The following ITPKB variants were observed in gnomAD, a reference collection of about 807,000 sequenced individuals.
ITPKB encodes inositol-trisphosphate 3-kinase B, also known as IP3 3-kinase B.
In ITPKB, 13 loss-of-function variants were observed where a neutral mutation model predicts 69.4. The ratio of observed to expected loss-of-function variants is 0.19; its 90% CI spans 0.12 to 0.30. The LOEUF (loss-of-function observed/expected upper bound fraction) is 0.30. Ranked by LOEUF, ITPKB falls within the 10% of genes least tolerant of loss-of-function variation. The pLI, the probability that ITPKB is intolerant of heterozygous loss-of-function variation, is 1.00. For missense variants in ITPKB, 1,240 were observed against 1,250.5 expected, an observed-to-expected ratio of 0.99 and a Z score of 0.13; for synonymous variants, 584 against 513.7, an observed-to-expected ratio of 1.14 and a Z score of -1.85.
Position 226,642,142 on chromosome 1 carries a change from G to A in ITPKB, c.2247-17C>T. 6.2e-7 allele frequency: 1 copy of A among 1,605,756 alleles called. No individual in the cohort carries two copies. Among genetic ancestry groups the A allele is most frequent in the Non-Finnish European group, 8.5e-7 (1 of 1,175,182 alleles). On this transcript the variant is annotated splice_polypyrimidine_tract_variant and intron_variant, in intron 4 of 7. Coordinates refer to ENST00000429204, the MANE Select transcript of ITPKB (RefSeq NM_002221.4). This position sits in a 1 kb window ranked among gnomAD's most constrained non-coding sequence, Gnocchi z 6.4. Reference sequence around the variant, plus strand: ...AGGTAGGTCCTACGTGGGAGGGAAGGCGACATGAGGGCCGAGGCCTGGGGC... The same window carrying A: ...AGGTAGGTCCTACGTGGGAGGGAAGACGACATGAGGGCCGAGGCCTGGGGC...
intron 2 of ITPKB, among the ~76,000 whole-genome samples, chr1:226,688,928 C>T (rs975298995): frequency 6.6e-6 from 1 of 152,204 alleles, no homozygotes; most frequent in African/African-American, 2.4e-5. Context: ...ACAAGTGCTT[C>T]CCCACTTTAC....
chr1:226,731,246 G>A (rs1046400154), intron 2 of ITPKB, among the ~76,000 whole-genome samples: 6 of 152,140 alleles, frequency 3.9e-5, no homozygotes, highest in African/African-American at 1.4e-4. Flanking sequence ...TTACTGTTCA[G>A]GTTAATGTTC....
At chr1:226,636,724 G>A (rs1270969125) in intron 7 of ITPKB, among the ~76,000 whole-genome samples, 1 of 151,556 alleles carries the variant, frequency 6.6e-6, no homozygotes, top group Admixed American at 6.6e-5. Context: ...ACCCACCCAT[G>A]GGATTAGCCA....
chr1:226,727,250 A>C (rs1259614661), intron 2 of ITPKB, among the ~76,000 whole-genome samples: 1 of 152,258 alleles, frequency 6.6e-6, no homozygotes, highest in African/African-American at 2.4e-5. Flanking sequence ...ACTGGGGAAG[A>C]AGCACTTCAC....
chr1:226,736,432 C>T lies in ITPKB; in HGVS notation c.1027G>A (p.Val343Met), dbSNP rs199795545. 2.5e-4 allele frequency: 399 copies of T among 1,613,178 alleles called. 2 individuals carry two copies. The Middle Eastern group carries it at 3.0e-3, about 12-fold the overall frequency. The change falls in exon 2 of 8, where the codon GTG becomes ATG. Residue 343 changes from valine to methionine, a missense_variant. Around this residue, in one of 2 missense-constraint regions of ITPKB, gnomAD observed 992 missense variants for 853.8 expected, o/e 1.16. Coordinates refer to ENST00000429204, the MANE Select transcript of ITPKB (RefSeq NM_002221.4). ...CCCAGAAACTGCCCCTGCCTCTCCA[C>T]CAGGGCCTCTGGGGGCTGCAGGTCC... ...LEDLQPPEAL[V>M]ERQGQFLGSE...
chr1:226,643,121 C>G (rs1242774851), intron 4 of ITPKB, among the ~76,000 whole-genome samples: 3 of 152,350 alleles, frequency 2.0e-5, no homozygotes, highest in Non-Finnish European at 4.4e-5. Context: ...GCCCTGGCCT[C>G]CACACGAGCA....
intron 2 of ITPKB, chr1:226,674,781 T>A (rs1669694164): frequency 6.6e-6 from 1 of 152,406 alleles, no homozygotes; most frequent in African/African-American, 2.4e-5. Flanking sequence ...TTTTCCTCAC[T>A]ATCTACCCAC....
intron 2 of ITPKB, 49 bp downstream of exon 2, chr1:226,735,478 T>A (rs756397008): frequency 3.4e-6 from 5 of 1,452,808 alleles, no homozygotes; most frequent in Non-Finnish European, 4.5e-6. Flanking sequence ...GCATCAAAAG[T>A]CTGCTGAAAT....
Position 226,736,737 on chromosome 1 carries a change from G to A in ITPKB, c.722C>T (p.Ala241Val), listed in dbSNP as rs770236702. The A allele has an allele frequency of 2.5e-6, 4 of 1,612,790 alleles. No individual in the cohort carries two copies. Among genetic ancestry groups the A allele is most frequent in the Non-Finnish European group, 3.4e-6 (4 of 1,179,768 alleles). The stretch of plus-strand genomic sequence containing the variant: ...CTGAGCCTCTGATCCTGTAGGGGCA[G>A]CCCGGCCGGGAAGAGGTGGCATTCC... ...KKGMPPLPGR[A>V]APTGSEAQGP... Residue 241 changes from alanine (A) to valine (V), a missense_variant, in exon 2 of 8, where the codon GCT (alanine) becomes GTT (valine). Ala to Val is a moderately conservative substitution (Grantham distance 64). This residue lies in a region of ITPKB where 992 missense variants were observed against 853.8 expected (regional missense o/e 1.16). Transcript: ENST00000429204.
At chr1:226,672,465 CT>C (rs1298564036) in intron 2 of ITPKB, among the ~76,000 whole-genome samples, 2 of 152,216 alleles carry the variant, frequency 1.3e-5, no homozygotes, top group African/African-American at 4.8e-5. Flanking sequence ...TTCCTTTTGC[CT>C]TTGAAAACCT....
rs140693021 is a variant in ITPKB, at chr1:226,695,276, T to C, written c.1932+40251A>G. 3.1e-3 allele frequency among the ~76,000 whole-genome samples: 467 copies of C among 152,190 alleles called. 3 individuals are homozygous for C. The highest frequency in any genetic ancestry group is 0.011 in the African/African-American group (448 of 41,530). ...ATAAATAAATGAAAGCTGGGAGGGATAATGAACAGGATAAATTACAAAAAT... is the reference window on the plus strand; with the variant it reads ...ATAAATAAATGAAAGCTGGGAGGGACAATGAACAGGATAAATTACAAAAAT... On this transcript the variant is annotated intron_variant, in intron 2 of 7. Coordinates refer to ENST00000429204, the MANE Select transcript of ITPKB (RefSeq NM_002221.4).
intron 2 of ITPKB, among the ~76,000 whole-genome samples, chr1:226,670,175 CAA>C (rs35767912): frequency 3.1e-4 from 10 of 32,004 alleles, no homozygotes; most frequent in African/African-American, 8.9e-4. Context: ...AGCTCCGCCG[CAA>C]AAAAAAAAAA....
intron 5 of ITPKB, among the ~76,000 whole-genome samples, chr1:226,640,608 A>T (rs1668941722): frequency 6.6e-6 from 1 of 152,204 alleles, no homozygotes; most frequent in Non-Finnish European, 1.5e-5. Context: ...GCTGGACAAT[A>T]GACAGAGACC....
intron 2 of ITPKB, among the ~76,000 whole-genome samples, chr1:226,715,699 C>T (rs1162783840): frequency 1.3e-5 from 2 of 152,208 alleles, no homozygotes; most frequent in Non-Finnish European, 2.9e-5. Flanking sequence ...TCCCATTCAA[C>T]GTCAATTTTC....
chr1:226,669,865 T>G (rs79793801), intron 2 of ITPKB, among the ~76,000 whole-genome samples: 2,060 of 151,718 alleles, frequency 0.014, 104 homozygotes, highest in Admixed American at 0.08. Context: ...TTTTTTTGGT[T>G]TGTTTTTTTT....
chr1:226,661,729 G>A (rs1033739308), intron 2 of ITPKB, among the ~76,000 whole-genome samples: 6 of 152,210 alleles, frequency 3.9e-5, no homozygotes, highest in Non-Finnish European at 7.3e-5. Flanking sequence ...ACTCAACAGA[G>A]GCAGATACAT....
Position 226,736,710 on chromosome 1 carries a change from C to T in ITPKB, c.749G>A (p.Gly250Asp), listed in dbSNP as rs145241067. The T allele has an allele frequency of 8.7e-5, 141 of 1,612,684 alleles. No homozygotes were observed. The African/African-American group carries it at 1.7e-3, about 19-fold the overall frequency. Reference sequence around the variant, plus strand: ...CTCCATCCTTACAAAAGCGGATGGACCCTGAGCCTCTGATCCTGTAGGGGC... The same window carrying T: ...CTCCATCCTTACAAAAGCGGATGGATCCTGAGCCTCTGATCCTGTAGGGGC... ...RAAPTGSEAQ[G>D]PSAFVRMEKG... Residue 250 changes from glycine (G) to aspartate (D), a missense_variant, in exon 2 of 8, where the codon GGT (glycine) becomes GAT (aspartate). By Grantham distance (94) the Gly-to-Asp change is moderately conservative. Coordinates refer to ENST00000429204, the MANE Select transcript of ITPKB (RefSeq NM_002221.4).
At chr1:226,664,551 C>T (rs1571847828) in intron 2 of ITPKB, among the ~76,000 whole-genome samples, 1 of 152,196 alleles carries the variant, frequency 6.6e-6, no homozygotes, top group Non-Finnish European at 1.5e-5. Context: ...CAGGCTCAGC[C>T]CCTCCAAGGT....
At chr1:226,732,859 T>G (rs1657633129) in intron 2 of ITPKB, among the ~76,000 whole-genome samples, 1 of 152,164 alleles carries the variant, frequency 6.6e-6, no homozygotes, top group East Asian at 1.9e-4. Context: ...ATGCAACTAT[T>G]TCTGAGCAAA....
Sources: allele counts gnomAD v4.1 joint callset (sites outside exome capture counted in the v4.1 genomes callset), GRCh38; gene constraint gnomAD v4.1.1; regional missense constraint gnomAD v4.1.1; non-coding constraint Gnocchi (gnomAD v3.1); transcripts MANE v1.5; gene names NCBI Gene and HGNC (gene_info 2026-07-23, HGNC 2026-07-21).